Variants in INTS5 observed in about 807,000 individuals in gnomAD.
INTS5 encodes the protein KIAA1698.
Under a neutral mutation model 60.0 loss-of-function variants are expected in INTS5, and 29 were observed. The observed-to-expected ratio is 0.48, with a 90% confidence interval of 0.36 to 0.66. INTS5 has a LOEUF of 0.66. Among genes scored for constraint, INTS5 ranks in the 30% least tolerant of loss-of-function variants. The pLI is 0.00. For synonymous variants in INTS5, 588 were observed against 558.8 expected, an observed-to-expected ratio of 1.05 and a Z score of -0.74; for missense variants, 1,129 against 1,307.9, an observed-to-expected ratio of 0.86 and a Z score of 2.11.
At position 62,653,245 on chromosome 11, in the gene INTS5, GACATCCCGGAGCCC is replaced by G; in HGVS notation, c.-10_4del. 1 of 1,243,512 alleles carries G rather than the reference GACATCCCGGAGCCC, an allele frequency of 8.0e-7. No individual in the cohort carries two copies. Among genetic ancestry groups the G allele is most frequent in the Non-Finnish European group, 1.0e-6 (1 of 987,524 alleles). 77.0% of individuals were successfully genotyped at this position (1,243,512 alleles called of 1,614,324 possible). ...GGCCCCGGGAGGGTCGCACAGCGCGGACATCCCGGAGCCCGAGCCGAGCCCGAGGCGCGAGCGGC... is the reference window on the plus strand; with the variant it reads ...GGCCCCGGGAGGGTCGCACAGCGCGGGAGCCGAGCCCGAGGCGCGAGCGGC... On this transcript the variant is annotated start_lost and 5_prime_UTR_variant, in exon 1 of 2. Coordinates refer to ENST00000330574, the MANE Select transcript of INTS5 (RefSeq NM_030628.2).
intron 1 of INTS5, among the ~76,000 whole-genome samples, chr11:62,650,840 T>C (rs1944587598): frequency 6.6e-6 from 1 of 152,114 alleles, no homozygotes; most frequent in Admixed American, 6.6e-5. Context: ...CCTGAGTAGC[T>C]GCAACTTCAA....
Position 62,647,836 on chromosome 11 carries a change from A to C in INTS5, c.2244T>G (p.Val748=), listed in dbSNP as rs545316907. Residue 748 remains valine (V), a synonymous_variant, in exon 2 of 2, where the codon GTT becomes GTG. Coordinates refer to ENST00000330574, the MANE Select transcript of INTS5 (RefSeq NM_030628.2). ...AVPGPGGIWS[V]FHAGVIGRGL... ...CACGGCCGATGACTCCAGCATGGAA[A>C]ACTGACCAAATCCCTCCAGGACCTG... The C allele has an allele frequency of 1.9e-6, 3 of 1,614,216 alleles. No homozygotes were observed. The Admixed American group carries it at 5.0e-5, about 27-fold the overall frequency.
In INTS5 at chr11:62,649,390, A is replaced by C; in HGVS notation, c.690T>G (p.Ile230Met). The change falls in exon 2 of 2, where the codon ATT becomes ATG. Residue 230 changes from isoleucine to methionine, a missense_variant. Ile to Met is a conservative substitution (Grantham distance 10, BLOSUM62 1). Coordinates refer to ENST00000330574, the MANE Select transcript of INTS5 (RefSeq NM_030628.2). This position sits in a 1 kb window ranked among gnomAD's most constrained non-coding sequence, Gnocchi z 6.0. ...SPHFDWVVAH[I>M]GSSFPGTIIS... The stretch of plus-strand genomic sequence containing the variant: ...TGATGGTGCCAGGAAAAGAGGAGCC[A>C]ATATGTGCCACAACCCAGTCAAAGT... 1.9e-6 allele frequency: 3 copies of C among 1,614,214 alleles called. No individual in the cohort carries two copies. The highest frequency in any genetic ancestry group is 2.5e-6 in the Non-Finnish European group (3 of 1,180,026).
rs1944539965 is a variant in INTS5, at chr11:62,647,634, A to G, written c.2446T>C (p.Leu816=). The change falls in exon 2 of 2, where the codon TTG becomes CTG. Residue 816 remains leucine (L), a synonymous_variant. Coordinates refer to ENST00000330574, the MANE Select transcript of INTS5 (RefSeq NM_030628.2). ...GCATCGGGACACACACTCTCCACCA[A>G]GGTCACTGCCACTGCTTTGGCTGCC... is the stretch of plus-strand genomic sequence containing the variant. ...PEAAKAVAVT[L]VESVCPDAAG... The G allele has an allele frequency of 6.2e-7, 1 of 1,614,052 alleles. No individual in the cohort carries two copies. Among genetic ancestry groups the G allele is most frequent in the Non-Finnish European group, 8.5e-7 (1 of 1,180,026 alleles).
In INTS5 at chr11:62,648,996, A is replaced by C. The variant is rs1944572746; in HGVS notation, c.1084T>G (p.Cys362Gly). Residue 362 changes from cysteine to glycine, a missense_variant, in exon 2 of 2, where the codon TGC becomes GGC. Cys to Gly is a radical substitution (Grantham distance 159). Transcript: ENST00000330574. This position sits in a 1 kb window ranked among gnomAD's most constrained non-coding sequence, Gnocchi z 4.4. The part of the protein sequence containing the change: ...LGTVSGELVD[C>G]LKPPAVLSQL... The stretch of plus-strand genomic sequence containing the variant: ...CTCAGCACAGCTGGGGGCTTGAGGC[A>C]ATCCACAAGCTCTCCAGAGACAGTG... 1 of 1,613,338 alleles carries C rather than the reference A, an allele frequency of 6.2e-7. No homozygotes were observed. The highest frequency in any genetic ancestry group is 1.7e-5 in the Admixed American group (1 of 59,998).
rs1398783709 is a variant in INTS5 at position 62,647,543 on chromosome 11, C to T, written c.2537G>A (p.Arg846His). The T allele has an allele frequency of 3.1e-6, 5 of 1,613,418 alleles. No homozygotes were observed. The highest frequency in any genetic ancestry group is 2.7e-5 in the African/African-American group (2 of 75,070). The change falls in exon 2 of 2, where the codon CGC becomes CAC. Residue 846 changes from arginine (R) to histidine (H), a missense_variant. Around this residue, in one of 3 missense-constraint regions of INTS5, gnomAD observed 1,070 missense variants for 1,246.1 expected, o/e 0.86. Transcript: ENST00000330574. The stretch of plus-strand genomic sequence containing the variant: ...CTGTTCGCGGAAGCGCCGGCCAATG[C>T]GGAGATCCCGCTCCACGGTGGCCCG... Reference protein sequence around the residue: ...HARATVERDLRIGRRFREQPL... With the variant: ...HARATVERDLHIGRRFREQPL...
rs751527257 is a variant in INTS5 at position 62,653,268 on chromosome 11, C to A, written c.-19G>T. The A allele has an allele frequency of 5.6e-6, 7 of 1,242,372 alleles. No homozygotes were observed. The highest frequency in any genetic ancestry group is 6.1e-6 in the Non-Finnish European group (6 of 986,834). The allele number at this position is 1,242,372 out of a possible 1,614,324, so 77.0% of individuals were successfully genotyped here. Reference sequence around the variant, plus strand: ...CGGACATCCCGGAGCCCGAGCCGAGCCCGAGGCGCGAGCGGCGGAGCGCAG... The same window carrying A: ...CGGACATCCCGGAGCCCGAGCCGAGACCGAGGCGCGAGCGGCGGAGCGCAG... On this transcript the variant is annotated 5_prime_UTR_variant, in exon 1 of 2. Coordinates refer to ENST00000330574, the MANE Select transcript of INTS5 (RefSeq NM_030628.2).
In INTS5 at chr11:62,647,915, G is replaced by A. The variant is rs773455657; in HGVS notation, c.2165C>T (p.Ser722Phe). 1.2e-6 allele frequency: 2 copies of A among 1,614,240 alleles called. No individual in the cohort carries two copies. Among genetic ancestry groups the A allele is most frequent in the East Asian group, 2.2e-5 (1 of 44,880 alleles). ...GTCCAACAGGGAGGCAGAAGCCAAA[G>A]AAGCTGAAACAACTGAGAGAGTCTC... ...DNETLSVVSA[S>F]LASASLLDTN... The change falls in exon 2 of 2, where the codon TCT becomes TTT. Residue 722 changes from serine (S) to phenylalanine (F), a missense_variant. Physicochemically the swap from Ser to Phe is radical, Grantham distance 155. Transcript: ENST00000330574.
rs1944611469 is a variant in INTS5, at chr11:62,653,252, C to G, written c.-3G>C. 2.4e-6 allele frequency: 3 copies of G among 1,242,126 alleles called. No individual in the cohort carries two copies. Among genetic ancestry groups the G allele is most frequent in the Non-Finnish European group, 3.0e-6 (3 of 987,414 alleles). 76.9% of individuals were successfully genotyped at this position (1,242,126 alleles called of 1,614,324 possible). On this transcript the variant is annotated 5_prime_UTR_variant, in exon 1 of 2. Coordinates refer to ENST00000330574, the MANE Select transcript of INTS5 (RefSeq NM_030628.2). ...GGAGGGTCGCACAGCGCGGACATCC[C>G]GGAGCCCGAGCCGAGCCCGAGGCGC... is the stretch of plus-strand genomic sequence containing the variant.
Position 62,648,454 on chromosome 11 carries a change from T to C in INTS5, c.1626A>G (p.Leu542=). The change falls in exon 2 of 2, where the codon CTA becomes CTG. Residue 542 remains leucine (L), a synonymous_variant. Transcript: ENST00000330574. The surrounding 1 kb of genome is among the most constrained non-coding windows in gnomAD (Gnocchi z 4.4). Reference sequence around the variant, plus strand: ...GCAGGAGGCCAGAGAGGCTGACCACTAGCCCTGCATATAACTGGGTGGCCA... The same window carrying C: ...GCAGGAGGCCAGAGAGGCTGACCACCAGCCCTGCATATAACTGGGTGGCCA... ...LSLATQLYAG[L]VVSLSGLLPL... 6.2e-7 allele frequency: 1 copy of C among 1,614,170 alleles called. No individual in the cohort carries two copies. Among genetic ancestry groups the C allele is most frequent in the Middle Eastern group, 1.6e-4 (1 of 6,062 alleles).
Position 62,647,627 on chromosome 11 carries a change from TCCA to T in INTS5, c.2450_2452del (p.Val817del). On this transcript the variant is annotated inframe_deletion, in exon 2 of 2. Transcript: ENST00000330574. ...ACCAGCTGCATCGGGACACACACTCTCCACCAAGGTCACTGCCACTGCTTTGGC... is the reference window on the plus strand; with the variant it reads ...ACCAGCTGCATCGGGACACACACTCTCCAAGGTCACTGCCACTGCTTTGGC... The T allele has an allele frequency of 6.2e-7, 1 of 1,613,998 alleles. No homozygotes were observed. Among genetic ancestry groups the T allele is most frequent in the Non-Finnish European group, 8.5e-7 (1 of 1,180,026 alleles).
chr11:62,652,267 C>T (rs1460766589), intron 1 of INTS5, among the ~76,000 whole-genome samples: 2 of 151,842 alleles, frequency 1.3e-5, no homozygotes, highest in Non-Finnish European at 2.9e-5. Context: ...TGCAGTAAGC[C>T]GAGATCACGC....
Position 62,647,387 on chromosome 11 carries a change from G to A in INTS5, c.2693C>T (p.Thr898Ile). Residue 898 changes from threonine to isoleucine, a missense_variant, in exon 2 of 2, where the codon ACC becomes ATC. Transcript: ENST00000330574. ...TGCCTCCAGGTGCCAGGGGGAGTGG[G>A]TCGTGTCAGGGTGGCGAGAGGCTTC... ...HWEASRHPDT[T>I]HSPWHLEASC... 1 of 1,612,936 alleles carries A rather than the reference G, an allele frequency of 6.2e-7. No individual in the cohort carries two copies. The highest frequency in any genetic ancestry group is 8.5e-7 in the Non-Finnish European group (1 of 1,179,548).
chr11:62,649,196 A>G lies in INTS5; in HGVS notation c.884T>C (p.Val295Ala). ...GGAGGCCAGGTGACCTAGGATGCCT[A>G]CAACTGAGGCAATCTTGGGCACCCG... ...EKRVPKIASVVGILGHLASRH... is the reference protein window; with the variant it reads ...EKRVPKIASVAGILGHLASRH... Residue 295 changes from valine (V) to alanine (A), a missense_variant, in exon 2 of 2, where the codon GTA (valine) becomes GCA (alanine). Coordinates refer to ENST00000330574, the MANE Select transcript of INTS5 (RefSeq NM_030628.2). This position sits in a 1 kb window ranked among gnomAD's most constrained non-coding sequence, Gnocchi z 6.0. 1 of 1,613,982 alleles carries G rather than the reference A, an allele frequency of 6.2e-7. No individual in the cohort carries two copies. Among genetic ancestry groups the G allele is most frequent in the Non-Finnish European group, 8.5e-7 (1 of 1,179,844 alleles).
chr11:62,648,469 C>CT lies in INTS5; in HGVS notation c.1610dup (p.Leu538ValfsTer72). 6.2e-7 allele frequency: 1 copy of CT among 1,614,204 alleles called. No individual in the cohort carries two copies. The highest frequency in any genetic ancestry group is 8.5e-7 in the Non-Finnish European group (1 of 1,180,046). ...GGCTGACCACTAGCCCTGCATATAA[C>CT]TGGGTGGCCAAACTCAACTCTTCAG... On this transcript the variant is annotated frameshift_variant, in exon 2 of 2. Coordinates refer to ENST00000330574, the MANE Select transcript of INTS5 (RefSeq NM_030628.2). LOFTEE classifies it high-confidence loss of function. The surrounding 1 kb of genome is among the most constrained non-coding windows in gnomAD (Gnocchi z 4.4).
At position 62,647,997 on chromosome 11, in the gene INTS5, C is replaced by G. The variant is rs1944549908; in HGVS notation, c.2083G>C (p.Gly695Arg). 6.2e-7 allele frequency: 1 copy of G among 1,614,102 alleles called. No homozygotes were observed. Among genetic ancestry groups the G allele is most frequent in the South Asian group, 1.1e-5 (1 of 91,094 alleles). The change falls in exon 2 of 2, where the codon GGA becomes CGA. Residue 695 changes from glycine (G) to arginine (R), a missense_variant. Gly to Arg is a moderately radical substitution (Grantham distance 125, BLOSUM62 -2). Transcript: ENST00000330574. ...LKAVLQLLVEGALHRGNTELF... is the reference protein window; with the variant it reads ...LKAVLQLLVERALHRGNTELF... ...TCTGTGTTGCCTCGATGTAAGGCTC[C>G]TTCAACCAGCAGCTGCAGGACAGCC... is the stretch of plus-strand genomic sequence containing the variant.
chr11:62,651,730 C>T (rs1944595330), intron 1 of INTS5, among the ~76,000 whole-genome samples: 1 of 151,394 alleles, frequency 6.6e-6, no homozygotes, highest in Non-Finnish European at 1.5e-5. Flanking sequence ...CAGGCATGGT[C>T]GCATGTGCCT....
Position 62,649,636 on chromosome 11 carries a change from G to A in INTS5, c.444C>T (p.Ser148=). The A allele has an allele frequency of 6.2e-7, 1 of 1,614,186 alleles. No homozygotes were observed. The highest frequency in any genetic ancestry group is 8.5e-7 in the Non-Finnish European group (1 of 1,180,036). The change falls in exon 2 of 2, where the codon TCC becomes TCT. Residue 148 remains serine, a synonymous_variant. Transcript: ENST00000330574. The surrounding 1 kb of genome is among the most constrained non-coding windows in gnomAD (Gnocchi z 6.0). The stretch of plus-strand genomic sequence containing the variant: ...TGCTCAGTTGCCCCATGAGGTCAAT[G>A]GACCATGCACTAATCACAGGTGCCC... ...KAWAPVISAW[S]IDLMGQLSST... is the part of the protein sequence containing the mutation.
intron 1 of INTS5, among the ~76,000 whole-genome samples, chr11:62,651,735 G>C (rs910925240): frequency 2.6e-5 from 4 of 151,708 alleles, no homozygotes; most frequent in Admixed American, 2.6e-4. Context: ...ATGGTCGCAT[G>C]TGCCTGCGGT....
Sources: gnomAD v4.1 joint callset for allele counts (sites outside exome capture counted in the v4.1 genomes callset) on GRCh38, gnomAD v4.1.1 for gene constraint, gnomAD v4.1.1 regional missense constraint, Gnocchi (gnomAD v3.1) non-coding constraint, MANE v1.5 for transcripts, NCBI Gene and HGNC (gene_info 2026-07-23, HGNC 2026-07-21) for gene names.